The following IFT80 variants were observed in gnomAD, a reference collection of about 807,000 sequenced individuals.
IFT80 encodes the protein intraflagellar transport 80.
IFT80 carries 79 observed loss-of-function variants against 107.9 expected under a neutral mutation model. That is an observed-to-expected ratio of 0.73 (90% CI 0.61 to 0.88). The LOEUF is 0.88. Ranked by LOEUF, IFT80 falls within the 40% of genes least tolerant of loss-of-function variation. The pLI is 0.00. For synonymous variants in IFT80, 299 were observed against 300.9 expected (o/e 0.99, Z 0.07); for missense variants, 797 against 914.2 (o/e 0.87, Z 1.65).
rs1553766638 is a variant in IFT80, at chr3:160,381,266, T to TATATATATATATATATATATATATATATA, written c.259+236_259+237insTATATATATATATATATATATATATATAT. Among the ~76,000 whole-genome samples the TATATATATATATATATATATATATATATA allele has an allele frequency of 1.6e-3, 113 of 70,614 alleles. 3 individuals are homozygous for TATATATATATATATATATATATATATATA. Among genetic ancestry groups the TATATATATATATATATATATATATATATA allele is most frequent in the Middle Eastern group, 6.8e-3 (1 of 148 alleles). 46.3% of individuals were successfully genotyped at this position (70,614 alleles called of 152,430 possible). ...TATATATATATATATATATATATAT[T>TATATATATATATATATATATATATATATA]AAAGCCAAAGACCCATATTCAATCC... On this transcript the variant is annotated intron_variant, in intron 3 of 19. Transcript: ENST00000326448.
intron 9 of IFT80, among the ~76,000 whole-genome samples, chr3:160,313,608 A>ATTTT (rs201247167): frequency 7.2e-6 from 1 of 139,750 alleles, no homozygotes; most frequent in Non-Finnish European, 1.6e-5. Flanking sequence ...TCTGTGCTGA[A>ATTTT]TTTTTTTTTT....
At chr3:160,346,114 A>C (rs562007110) in intron 8 of IFT80, among the ~76,000 whole-genome samples, 5 of 152,194 alleles carry the variant, frequency 3.3e-5, no homozygotes, top group African/African-American at 4.8e-5. Context: ...GGTGGTGCGT[A>C]GTGGGGAATG....
intron 6 of IFT80, 81 bp downstream of exon 6, chr3:160,365,962 G>C (rs1003213674): frequency 9.9e-7 from 1 of 1,010,344 alleles, no homozygotes; most frequent in African/African-American, 1.6e-5. Context: ...CCACCCAGAA[G>C]AAAGAGACTC....
chr3:160,387,461 G>A lies in IFT80; in HGVS notation c.-46-2815C>T, dbSNP rs113969627. Among the ~76,000 whole-genome samples the A allele has an allele frequency of 5.5e-3, 843 of 152,254 alleles. 6 individuals carry two copies. The highest frequency in any genetic ancestry group is 0.019 in the African/African-American group (788 of 41,542). On this transcript the variant is annotated intron_variant, in intron 1 of 19. Transcript: ENST00000326448. ...GGAGGTTGCAGTGAGCCGAGATCACGCTACTGCACTCCAGCCTGGGCGTCA... is the reference window on the plus strand; with the variant it reads ...GGAGGTTGCAGTGAGCCGAGATCACACTACTGCACTCCAGCCTGGGCGTCA...
At chr3:160,373,183 C>A (rs1711676483) in intron 5 of IFT80, among the ~76,000 whole-genome samples, 1 of 152,162 alleles carries the variant, frequency 6.6e-6, no homozygotes, top group African/African-American at 2.4e-5. Context: ...GCTGGGATTA[C>A]AGGAGTGAGC....
At chr3:160,352,330 C>G (rs1720770927) in intron 8 of IFT80, among the ~76,000 whole-genome samples, 1 of 152,142 alleles carries the variant, frequency 6.6e-6, no homozygotes, top group Non-Finnish European at 1.5e-5. Flanking sequence ...ATGCTTAGAA[C>G]AAGTCAGAAG....
intron 18 of IFT80, among the ~76,000 whole-genome samples, chr3:160,272,709 A>C (rs1307216907): frequency 1.3e-5 from 2 of 152,138 alleles, no homozygotes; most frequent in Non-Finnish European, 2.9e-5. Context: ...TAATTCCTTC[A>C]CTGGCTTTCC....
At chr3:160,370,366 A>T (rs555554339) in intron 5 of IFT80, among the ~76,000 whole-genome samples, 1 of 149,282 alleles carries the variant, frequency 6.7e-6, no homozygotes, top group Admixed American at 6.8e-5. Context: ...TCATAGTAGT[A>T]GCCATTTGAT....
chr3:160,377,691 G>A, intron 3 of IFT80, 151 bp from the exon 4 acceptor site: 5 of 469,400 alleles, frequency 1.1e-5, no homozygotes, highest in Non-Finnish European at 1.5e-5. Context: ...TGGAAAATAG[G>A]CACAAAAACA....
chr3:160,358,315 C>T (rs1057485196), intron 6 of IFT80, among the ~76,000 whole-genome samples: 3 of 150,784 alleles, frequency 2.0e-5, no homozygotes, highest in African/African-American at 7.3e-5. Flanking sequence ...GTTCAGCCCC[C>T]CTCAACCATT....
At chr3:160,290,848 C>A (rs1715501944) in intron 12 of IFT80, among the ~76,000 whole-genome samples, 1 of 152,170 alleles carries the variant, frequency 6.6e-6, no homozygotes, top group Admixed American at 6.5e-5. Flanking sequence ...CAGATGTGAG[C>A]CACATCTGGC....
chr3:160,273,975 C>A (rs1022459795), intron 18 of IFT80, among the ~76,000 whole-genome samples: 4 of 152,150 alleles, frequency 2.6e-5, no homozygotes, highest in Non-Finnish European at 5.9e-5. Flanking sequence ...TTCCTCATTA[C>A]ATCTTCTTTG....
chr3:160,301,129 G>A, intron 11 of IFT80, 83 bp from the exon 12 acceptor site: 1 of 1,256,366 alleles, frequency 8.0e-7, no homozygotes, highest in Non-Finnish European at 1.1e-6. Flanking sequence ...GTTTATCCTT[G>A]GGAAAAAAAA....
At chr3:160,367,214 T>C (rs1380390245) in intron 5 of IFT80, among the ~76,000 whole-genome samples, 3 of 152,100 alleles carry the variant, frequency 2.0e-5, no homozygotes, top group Non-Finnish European at 4.4e-5. Context: ...AATCTTGGTA[T>C]TGTGAACAGA....
At chr3:160,299,269 G>C in intron 12 of IFT80, 1 of 1,165,530 alleles carries the variant, frequency 8.6e-7, no homozygotes, top group Non-Finnish European at 1.1e-6. Flanking sequence ...TTCTCTCAGA[G>C]AAGGCCTAAA....
At chr3:160,309,522 C>A (rs1559931641) in intron 9 of IFT80, among the ~76,000 whole-genome samples, 3 of 152,216 alleles carry the variant, frequency 2.0e-5, no homozygotes, top group African/African-American at 7.2e-5. Context: ...CCTGTCTCTA[C>A]TAAAAATACA....
chr3:160,395,634 T>G (rs1189321425), intron 1 of IFT80, among the ~76,000 whole-genome samples: 1 of 152,168 alleles, frequency 6.6e-6, no homozygotes, highest in Non-Finnish European at 1.5e-5. Context: ...TTAGAAGATA[T>G]GAGGCTGGAG....
chr3:160,360,018 A>G lies in IFT80; in HGVS notation c.550-2440T>C, dbSNP rs114855788. Reference sequence around the variant, plus strand: ...CAGAGAATGACTTTGATGAGTTGACATAACTAGGCTTCAGAAGGTCAGTAA... The same window carrying G: ...CAGAGAATGACTTTGATGAGTTGACGTAACTAGGCTTCAGAAGGTCAGTAA... On this transcript the variant is annotated intron_variant, in intron 6 of 19. Coordinates refer to ENST00000326448, the MANE Select transcript of IFT80 (RefSeq NM_020800.3). 7.0e-3 allele frequency among the ~76,000 whole-genome samples: 1,064 copies of G among 152,370 alleles called. 11 individuals carry two copies. The highest frequency in any genetic ancestry group is 0.024 in the African/African-American group (994 of 41,598).
At chr3:160,368,029 C>T (rs1364576672) in intron 5 of IFT80, among the ~76,000 whole-genome samples, 2 of 151,784 alleles carry the variant, frequency 1.3e-5, no homozygotes, top group African/African-American at 2.4e-5. Context: ...CTAAATCAGA[C>T]TATTGTAGTA....
Sources: allele counts gnomAD v4.1 joint callset (sites outside exome capture counted in the v4.1 genomes callset), GRCh38; gene constraint gnomAD v4.1.1; transcripts MANE v1.5; gene names NCBI Gene and HGNC (gene_info 2026-07-23, HGNC 2026-07-21).